The following CPQ variants were observed in gnomAD, a reference collection of about 807,000 sequenced individuals.
CPQ encodes the protein Ser-Met dipeptidase.
CPQ carries 37 observed loss-of-function variants against 45.7 expected under a neutral mutation model. The ratio of observed to expected loss-of-function variants is 0.81; its 90% CI spans 0.62 to 1.07. The LOEUF is 1.07. Among genes scored for constraint, CPQ ranks in the 50% least tolerant of loss-of-function variants. CPQ has a pLI of 0.00. For synonymous variants in CPQ, 186 were observed against 205.8 expected (o/e 0.90, Z 0.82); for missense variants, 537 against 572.9 (o/e 0.94, Z 0.64).
At chr8:97,130,420 GTTT>G (rs67911510) in intron 7 of CPQ, among the ~76,000 whole-genome samples, 31,174 of 125,182 alleles carry the variant, frequency 0.25, 3,915 homozygotes, top group Non-Finnish European at 0.31. Flanking sequence ...ATCGTCAGCT[GTTT>G]TTTTTTTTTT....
chr8:97,006,533 T>A (rs1161821632), intron 5 of CPQ, among the ~76,000 whole-genome samples: 2 of 152,216 alleles, frequency 1.3e-5, no homozygotes, highest in African/African-American at 2.4e-5. Flanking sequence ...TTGACCTATA[T>A]GAAAAATTCC....
chr8:97,110,683 G>C (rs1811486207), intron 7 of CPQ, among the ~76,000 whole-genome samples: 1 of 152,058 alleles, frequency 6.6e-6, no homozygotes, highest in South Asian at 2.1e-4. Flanking sequence ...TATTCTTAGA[G>C]CATCTTATCT....
At chr8:96,971,829 T>C (rs1473499581) in intron 5 of CPQ, among the ~76,000 whole-genome samples, 1 of 152,180 alleles carries the variant, frequency 6.6e-6, no homozygotes, top group African/African-American at 2.4e-5. Flanking sequence ...CCTAAACCAG[T>C]AGAAGAATTA....
intron 4 of CPQ, among the ~76,000 whole-genome samples, chr8:96,913,026 A>G (rs1359441460): frequency 1.3e-5 from 2 of 152,110 alleles, no homozygotes; most frequent in Non-Finnish European, 2.9e-5. Context: ...CCCACCTCAC[A>G]CATGCACAAG....
At chr8:96,855,893 T>C (rs1423856715) in intron 3 of CPQ, among the ~76,000 whole-genome samples, 1 of 151,956 alleles carries the variant, frequency 6.6e-6, no homozygotes, top group African/African-American at 2.4e-5. Flanking sequence ...GATTGAAGGA[T>C]GAAAAGTAAA....
chr8:96,702,095 G>T (rs1809469517), intron 1 of CPQ, among the ~76,000 whole-genome samples: 1 of 152,202 alleles, frequency 6.6e-6, no homozygotes, highest in South Asian at 2.1e-4. Context: ...TTGTTGTCAT[G>T]GAAAGAGGCT....
intron 3 of CPQ, among the ~76,000 whole-genome samples, chr8:96,853,574 T>G (rs1811801851): frequency 6.6e-6 from 1 of 152,210 alleles, no homozygotes; most frequent in Non-Finnish European, 1.5e-5. Context: ...TTTTTTTTTT[T>G]TTTGGTCAAT....
Position 97,073,682 on chromosome 8 carries a change from C to T in CPQ, c.1255+7472C>T, listed in dbSNP as rs933904040. Among the ~76,000 whole-genome samples the T allele has an allele frequency of 9.9e-5, 15 of 152,248 alleles. 1 individual carries two copies. The highest frequency in any genetic ancestry group is 8.5e-4 in the Admixed American group (13 of 15,288). On this transcript the variant is annotated intron_variant, in intron 7 of 7. Coordinates refer to ENST00000220763, the MANE Select transcript of CPQ (RefSeq NM_016134.4). ...AGGAGAGAGGATGAAAAAGACTCAA[C>T]AGGTCTCTGATCTTGTGGAGTTTAC...
At chr8:96,655,291 G>A (rs1264042304) in intron 1 of CPQ, among the ~76,000 whole-genome samples, 1 of 151,892 alleles carries the variant, frequency 6.6e-6, no homozygotes, top group Non-Finnish European at 1.5e-5. Context: ...CTCCTCTGAT[G>A]AATAATTTCA....
At chr8:96,748,874 T>C (rs1319233695) in intron 1 of CPQ, among the ~76,000 whole-genome samples, 1 of 152,214 alleles carries the variant, frequency 6.6e-6, no homozygotes, top group Non-Finnish European at 1.5e-5. Context: ...TGTGGTTCTC[T>C]TTCTGGAATG....
chr8:96,733,554 GC>G (rs1170821772), intron 1 of CPQ, among the ~76,000 whole-genome samples: 1 of 152,122 alleles, frequency 6.6e-6, no homozygotes, highest in Non-Finnish European at 1.5e-5. Flanking sequence ...TCTTTTAACA[GC>G]CCTGCAAATA....
intron 1 of CPQ, among the ~76,000 whole-genome samples, chr8:96,719,301 A>G (rs1188495585): frequency 6.6e-6 from 1 of 152,220 alleles, no homozygotes; most frequent in African/African-American, 2.4e-5. Context: ...TGGGGGACCA[A>G]GTACACCCTC....
chr8:96,987,513 A>G lies in CPQ; in HGVS notation c.961+21467A>G, dbSNP rs79410161. On this transcript the variant is annotated intron_variant, in intron 5 of 7. Coordinates refer to ENST00000220763, the MANE Select transcript of CPQ (RefSeq NM_016134.4). ...GCAGAGCCTGCTCAGGGAAGCATAG[A>G]TGGGTTAGAGGAGGGACATTTGGGA... Among the ~76,000 whole-genome samples, 133 of 152,294 alleles carry G rather than the reference A, an allele frequency of 8.7e-4. 5 individuals carry two copies. The South Asian group carries it at 0.022, about 25-fold the overall frequency.
chr8:96,742,863 T>G (rs2130779889), intron 1 of CPQ, among the ~76,000 whole-genome samples: 1 of 152,310 alleles, frequency 6.6e-6, no homozygotes, highest in East Asian at 1.9e-4. Context: ...TCTGATGGGC[T>G]TCCCTTTGAG....
At chr8:96,732,548 G>A (rs1809925136) in intron 1 of CPQ, among the ~76,000 whole-genome samples, 1 of 142,906 alleles carries the variant, frequency 7.0e-6, no homozygotes, top group East Asian at 2.3e-4. Flanking sequence ...TATAGTAGAT[G>A]TATTTTTACT....
intron 3 of CPQ, among the ~76,000 whole-genome samples, chr8:96,850,782 T>C (rs915072652): frequency 1.3e-5 from 2 of 151,872 alleles, no homozygotes; most frequent in Non-Finnish European, 2.9e-5. Context: ...GCTAATTTTA[T>C]ATTTTTAGTA....
chr8:97,047,819 C>G (rs981084306), intron 6 of CPQ, among the ~76,000 whole-genome samples: 6 of 152,148 alleles, frequency 3.9e-5, no homozygotes, highest in African/African-American at 1.4e-4. Flanking sequence ...TTTCACTATT[C>G]AAAAGACTGC....
chr8:97,023,035 ATATACAG>A (rs1809732926), intron 5 of CPQ, among the ~76,000 whole-genome samples: 1 of 146,184 alleles, frequency 6.8e-6, no homozygotes, highest in South Asian at 2.1e-4. Flanking sequence ...TATACAGTAT[ATATACAG>A]TATATATACT....
intron 6 of CPQ, among the ~76,000 whole-genome samples, chr8:97,032,149 A>G (rs1586504354): frequency 6.6e-6 from 1 of 152,208 alleles, no homozygotes. Flanking sequence ...CATCTGTTCC[A>G]AATAAGGTTA....
Sources: allele counts gnomAD v4.1 joint callset (sites outside exome capture counted in the v4.1 genomes callset), GRCh38; gene constraint gnomAD v4.1.1; transcripts MANE v1.5; gene names NCBI Gene and HGNC (gene_info 2026-07-23, HGNC 2026-07-21).